The following CERT1 variants were observed in gnomAD, a reference collection of about 807,000 sequenced individuals.
CERT1 encodes ceramide transfer protein.
In CERT1, 31 loss-of-function variants were observed where a neutral mutation model predicts 87.9. That is an observed-to-expected ratio of 0.35 (90% confidence interval 0.27 to 0.48). CERT1 has a LOEUF of 0.48. Ranked by LOEUF, CERT1 falls within the 20% of genes least tolerant of loss-of-function variation. CERT1 has a pLI of 0.99. For missense variants in CERT1, 487 were observed against 758.0 expected (o/e 0.64, Z 4.20); for synonymous variants, 289 against 250.9 (o/e 1.15, Z -1.44).
chr5:75,370,076 A>G (rs1207122851), intron 17 of CERT1: 1 of 152,232 alleles, frequency 6.6e-6, no homozygotes, highest in East Asian at 1.9e-4. Flanking sequence ...AAAACTGCAC[A>G]GTTAAAAGTG....
intron 2 of CERT1, among the ~76,000 whole-genome samples, chr5:75,491,527 G>A (rs1361079164): frequency 4.6e-5 from 7 of 152,050 alleles, no homozygotes; most frequent in Non-Finnish European, 8.8e-5. Flanking sequence ...AAAAAGGGTG[G>A]ATTTAATCTT....
chr5:75,381,676 G>C (rs929622365), intron 15 of CERT1, among the ~76,000 whole-genome samples: 1 of 152,150 alleles, frequency 6.6e-6, no homozygotes, highest in Non-Finnish European at 1.5e-5. Flanking sequence ...ACTGTGGGAA[G>C]TAGCCTACTG....
At chr5:75,393,745 C>T (rs748685057) in intron 11 of CERT1, among the ~76,000 whole-genome samples, 2 of 151,468 alleles carry the variant, frequency 1.3e-5, no homozygotes, top group Admixed American at 6.6e-5. Flanking sequence ...GCACGCGGAC[C>T]ACGAGGTCAA....
At chr5:75,424,492 A>C (rs1763518248) in intron 5 of CERT1, among the ~76,000 whole-genome samples, 1 of 152,164 alleles carries the variant, frequency 6.6e-6, no homozygotes, top group East Asian at 1.9e-4. Context: ...CAATCACTTG[A>C]ACCAGGGAGC....
intron 6 of CERT1, among the ~76,000 whole-genome samples, chr5:75,417,498 C>T (rs1763183099): frequency 6.6e-6 from 1 of 152,076 alleles, no homozygotes; most frequent in South Asian, 2.1e-4. Context: ...AAACTCAATG[C>T]CTTTTACGTT....
At chr5:75,392,689 G>T (rs1762074447) in intron 11 of CERT1, among the ~76,000 whole-genome samples, 1 of 151,996 alleles carries the variant, frequency 6.6e-6, no homozygotes, top group Non-Finnish European at 1.5e-5. Flanking sequence ...GAAGTGGGAG[G>T]CCAGGTGCGG....
chr5:75,449,330 T>C (rs1219913475), intron 3 of CERT1, among the ~76,000 whole-genome samples: 1 of 152,190 alleles, frequency 6.6e-6, no homozygotes, highest in Admixed American at 6.5e-5. Flanking sequence ...GATATATTAA[T>C]TGTAGCTGAG....
chr5:75,386,718 T>A (rs1366115649), intron 12 of CERT1, among the ~76,000 whole-genome samples: 5 of 152,186 alleles, frequency 3.3e-5, no homozygotes, highest in Admixed American at 6.5e-5. Context: ...TTCACATAGA[T>A]TTTCTTAGAG....
intron 5 of CERT1, 69 bp downstream of exon 5, chr5:75,425,277 ACTTAAAGACATTACC>A (rs1489917536): frequency 2.5e-5 from 33 of 1,323,892 alleles, no homozygotes; most frequent in Non-Finnish European, 3.4e-5. Flanking sequence ...CACCTTTATC[ACTTAAAGACATTACC>A]CTTTGAGATC....
intron 5 of CERT1, among the ~76,000 whole-genome samples, chr5:75,424,690 A>C (rs1337465339): frequency 6.6e-6 from 1 of 152,214 alleles, no homozygotes; most frequent in East Asian, 1.9e-4. Flanking sequence ...TCAGATCTGA[A>C]GGATTTAACA....
At chr5:75,427,436 T>G (rs775460402) in intron 3 of CERT1, among the ~76,000 whole-genome samples, 2 of 152,070 alleles carry the variant, frequency 1.3e-5, no homozygotes, top group Non-Finnish European at 2.9e-5. Flanking sequence ...CTGTCTCTAC[T>G]AAAAATACAA....
downstream of CERT1, chr5:75,377,248 G>A (rs1274762585): frequency 6.6e-6 from 1 of 152,134 alleles, no homozygotes; most frequent in Non-Finnish European, 1.5e-5. Flanking sequence ...TGTTTTACAC[G>A]TTGTATGAAA....
intron 2 of CERT1, among the ~76,000 whole-genome samples, chr5:75,479,465 T>A (rs927866509): frequency 6.6e-6 from 1 of 152,140 alleles, no homozygotes; most frequent in Non-Finnish European, 1.5e-5. Context: ...TACCCTCAAG[T>A]AGACCCCAGA....
chr5:75,463,445 A>G (rs1045206582), intron 2 of CERT1, among the ~76,000 whole-genome samples: 1 of 152,206 alleles, frequency 6.6e-6, no homozygotes, highest in Non-Finnish European at 1.5e-5. Context: ...AGTGGGTTCC[A>G]TATTTTCTCA....
intron 3 of CERT1, among the ~76,000 whole-genome samples, chr5:75,436,635 G>A (rs1048479305): frequency 1.3e-5 from 2 of 152,046 alleles, no homozygotes; most frequent in Non-Finnish European, 2.9e-5. Context: ...ATACCTATGT[G>A]TGATTCATTT....
rs1448441906 is a variant in CERT1, at chr5:75,382,086, A to C, written c.1489-9T>G. The C allele has an allele frequency of 6.2e-7, 1 of 1,608,186 alleles. No homozygotes were observed. Among genetic ancestry groups the C allele is most frequent in the East Asian group, 2.2e-5 (1 of 44,740 alleles). On this transcript the variant is annotated splice_polypyrimidine_tract_variant and intron_variant, in intron 14 of 16. Transcript: ENST00000643780. Reference sequence around the variant, plus strand: ...GAAGCAGGCCACACCCTCTGTGGAGAAGTAAAAATCTTTTGAAAAACAGAT... The same window carrying C: ...GAAGCAGGCCACACCCTCTGTGGAGCAGTAAAAATCTTTTGAAAAACAGAT...
chr5:75,426,528 G>A, intron 3 of CERT1, 50 bp from the exon 4 acceptor site: 1 of 1,348,180 alleles, frequency 7.4e-7, no homozygotes, highest in Non-Finnish European at 1.0e-6. Context: ...AAAAATACTT[G>A]AGAAAACAAA....
chr5:75,465,040 T>C (rs1329506937), intron 2 of CERT1, among the ~76,000 whole-genome samples: 1 of 152,198 alleles, frequency 6.6e-6, no homozygotes, highest in Admixed American at 6.5e-5. Context: ...ATGACGGACA[T>C]GGTTCAGACT....
intron 9 of CERT1, 194 bp downstream of exon 9, chr5:75,402,778 C>G (rs1762547805): frequency 2.6e-6 from 1 of 379,396 alleles, no homozygotes; most frequent in Non-Finnish European, 4.8e-6. Flanking sequence ...CTAGCCTGGG[C>G]AACAGAGCGA....
Sources: allele counts gnomAD v4.1 joint callset (sites outside exome capture counted in the v4.1 genomes callset), GRCh38; gene constraint gnomAD v4.1.1; transcripts MANE v1.5; gene names NCBI Gene and HGNC (gene_info 2026-07-23, HGNC 2026-07-21).